PDE4D: variants seen among roughly 807,000 people sequenced by gnomAD.
The protein encoded by PDE4D is 3',5'-cyclic-AMP phosphodiesterase 4D.
In PDE4D, 24 loss-of-function variants were observed where a neutral mutation model predicts 87.4. That is an observed-to-expected ratio of 0.27 (90% CI 0.20 to 0.39). PDE4D has a LOEUF of 0.39. Among genes scored for constraint, PDE4D ranks in the 10% least tolerant of loss-of-function variants. The pLI, the probability that PDE4D is intolerant of heterozygous loss-of-function variation, is 1.00. For missense variants in PDE4D, 714 were observed against 1,041.0 expected (o/e 0.69, Z 4.32); for synonymous variants, 384 against 383.2 (o/e 1.00, Z -0.02).
chr5:59,830,271 G>A (rs1014386075), intron 1 of PDE4D, among the ~76,000 whole-genome samples: 34 of 152,024 alleles, frequency 2.2e-4, no homozygotes, highest in Middle Eastern at 3.4e-3. Flanking sequence ...TAGCTGCCTC[G>A]CTCTTTACCA....
intron 6 of PDE4D, among the ~76,000 whole-genome samples, chr5:59,010,618 C>G (rs1341962628): frequency 6.6e-6 from 1 of 151,996 alleles, no homozygotes; most frequent in Non-Finnish European, 1.5e-5. Context: ...TATGCTCATT[C>G]TAGGCTGTAA....
chr5:60,175,945 T>C (rs1020095572), intron 2 of PDE4D, among the ~76,000 whole-genome samples: 2 of 152,186 alleles, frequency 1.3e-5, no homozygotes, highest in African/African-American at 2.4e-5. Context: ...ACTGCCACCA[T>C]CACCAATGGG....
At chr5:60,404,161 CT>C (rs35780128) in intron 1 of PDE4D, among the ~76,000 whole-genome samples, 7,968 of 119,266 alleles carry the variant, frequency 0.067, 200 homozygotes, top group African/African-American at 0.13. Flanking sequence ...TCAGCCAATT[CT>C]TTTTTTTTTT....
At chr5:59,671,072 GAT>G (rs2150328858) in intron 1 of PDE4D, among the ~76,000 whole-genome samples, 1 of 152,306 alleles carries the variant, frequency 6.6e-6, no homozygotes, top group East Asian at 1.9e-4. Flanking sequence ...AGTAGAATGA[GAT>G]ATGAGTTCTG....
rs1272573190 is a variant in PDE4D at position 59,295,840 on chromosome 5, AAAAAAAAAC to A, written c.456-79881_456-79873del. On this transcript the variant is annotated intron_variant, in intron 1 of 14. Coordinates refer to ENST00000340635, the MANE Select transcript of PDE4D (RefSeq NM_001104631.2). The stretch of plus-strand genomic sequence containing the variant: ...GGAGTGAAGTAGGCTAAGTGTAAGA[AAAAAAAAAC>A]AAAAAAAAAAACAGCTTTGGAATGC... Among the ~76,000 whole-genome samples, 5 of 151,472 alleles carry A rather than the reference AAAAAAAAAC, an allele frequency of 3.3e-5. No individual in the cohort carries two copies. The East Asian group carries it at 9.7e-4, about 29-fold the overall frequency.
chr5:59,501,687 G>A (rs946112472), intron 1 of PDE4D, among the ~76,000 whole-genome samples: 4 of 152,018 alleles, frequency 2.6e-5, no homozygotes, highest in Non-Finnish European at 5.9e-5. Flanking sequence ...AAAGGAAAAA[G>A]CTTAAAAAAT....
In PDE4D at chr5:58,971,591, A is replaced by G. The variant is rs770632741; in HGVS notation, c.*3073T>C. The G allele has an allele frequency of 5.9e-5, 9 of 152,624 alleles. No individual in the cohort carries two copies. Among genetic ancestry groups the G allele is most frequent in the Admixed American group, 4.6e-4 (7 of 15,278 alleles). 9.5% of individuals were successfully genotyped at this position (152,624 alleles called of 1,614,324 possible). The stretch of plus-strand genomic sequence containing the variant: ...AAATTATCATAAAGCTTTCTGTAAA[A>G]TCCATTTCATTCAAGTTTTTTCTTT... On this transcript the variant is annotated 3_prime_UTR_variant, in exon 15 of 15. Coordinates refer to ENST00000340635, the MANE Select transcript of PDE4D (RefSeq NM_001104631.2).
chr5:59,016,808 T>A (rs999023532), intron 6 of PDE4D, among the ~76,000 whole-genome samples: 2 of 152,140 alleles, frequency 1.3e-5, no homozygotes, highest in African/African-American at 4.8e-5. Flanking sequence ...TTACATAGTA[T>A]GTGCCAGCAT....
At chr5:59,648,205 A>C (rs1742794099) in intron 1 of PDE4D, among the ~76,000 whole-genome samples, 1 of 152,202 alleles carries the variant, frequency 6.6e-6, no homozygotes, top group Non-Finnish European at 1.5e-5. Flanking sequence ...AGAGAGAGAA[A>C]AAGAAATTCC....
chr5:59,815,876 C>T (rs946698245), intron 1 of PDE4D, among the ~76,000 whole-genome samples: 1 of 152,132 alleles, frequency 6.6e-6, no homozygotes, highest in African/African-American at 2.4e-5. Context: ...CTGTCCTGAT[C>T]GACATTTTTC....
chr5:59,756,810 C>CTTTTTTTTTTTTTTTTTTTTTTT (rs5868192), intron 1 of PDE4D, among the ~76,000 whole-genome samples: 1 of 132,268 alleles, frequency 7.6e-6, no homozygotes. Flanking sequence ...GAGGTTCTTA[C>CTTTTTTTTTTTTTTTTTTTTTTT]TTTTTTTTTT....
chr5:60,049,915 C>T (rs1769876667), intron 2 of PDE4D, among the ~76,000 whole-genome samples: 1 of 152,220 alleles, frequency 6.6e-6, no homozygotes, highest in African/African-American at 2.4e-5. Context: ...TTCCTGGCTG[C>T]TTTGTTTACG....
rs1051294796 is a variant in PDE4D, at chr5:58,969,540, G to C, written c.*5124C>G. 6.6e-6 allele frequency: 1 copy of C among 152,066 alleles called. No homozygotes were observed. The allele number at this position is 152,066 out of a possible 1,614,324, so 9.4% of individuals were successfully genotyped here. ...CTCAGATGCAAATCACTTTCTCAAG[G>C]CCTCAAGGAAGCCTTCTGTGGCCCT... On this transcript the variant is annotated 3_prime_UTR_variant, in exon 15 of 15. Transcript: ENST00000340635.
intron 3 of PDE4D, among the ~76,000 whole-genome samples, chr5:59,932,376 T>TGA (rs1427904673): frequency 1.3e-5 from 2 of 152,204 alleles, no homozygotes; most frequent in Non-Finnish European, 1.5e-5. Context: ...TGACATTCAC[T>TGA]GACAGTTTTC....
Position 60,075,775 on chromosome 5 carries a change from T to C in PDE4D, c.43-87058A>G, listed in dbSNP as rs1203354450. Among the ~76,000 whole-genome samples the C allele has an allele frequency of 5.3e-5, 8 of 152,200 alleles. No homozygotes were observed. The East Asian group carries it at 1.5e-3, about 29-fold the overall frequency. ...GAAAGCCAGTCTTCAAGCTCTGAGA[T>C]TCTTTCCTCAGGTTGGTCTATTCTG... On this transcript the variant is annotated intron_variant, in intron 2 of 16. Transcript: ENST00000502484.
intron 1 of PDE4D, among the ~76,000 whole-genome samples, chr5:59,704,210 G>A (rs559250629): frequency 5.9e-5 from 9 of 152,066 alleles, no homozygotes; most frequent in Admixed American, 2.0e-4. Context: ...AAGCTAACCC[G>A]TCGTATTTAA....
intron 1 of PDE4D, among the ~76,000 whole-genome samples, chr5:60,206,496 AC>A: frequency 1.3e-5 from 2 of 152,342 alleles, no homozygotes; most frequent in East Asian, 3.9e-4. Flanking sequence ...GAAGATGCAT[AC>A]TTTGTACTTA....
At chr5:60,504,627 T>G (rs747624935) in intron 1 of PDE4D, among the ~76,000 whole-genome samples, 1 of 152,226 alleles carries the variant, frequency 6.6e-6, no homozygotes, top group Non-Finnish European at 1.5e-5. Context: ...CAGGTTGAAG[T>G]TGATTGACTT....
chr5:59,230,940 A>G (rs1054294255), intron 1 of PDE4D, among the ~76,000 whole-genome samples: 3 of 152,234 alleles, frequency 2.0e-5, no homozygotes, highest in African/African-American at 7.2e-5. Flanking sequence ...TACGATGGCC[A>G]TAAACAATCA....
Sources: allele counts gnomAD v4.1 joint callset (sites outside exome capture counted in the v4.1 genomes callset), GRCh38; gene constraint gnomAD v4.1.1; transcripts MANE v1.5; gene names NCBI Gene and HGNC (gene_info 2026-07-23, HGNC 2026-07-21).